SAMD12: variants seen among roughly 807,000 people sequenced by gnomAD.
SAMD12 encodes sterile alpha motif domain-containing protein 12.
In SAMD12, 9 loss-of-function variants were observed where a neutral mutation model predicts 15.0. That is an observed-to-expected ratio of 0.60 (90% CI 0.36 to 1.05). The LOEUF is 1.05. SAMD12 is among the 50% of genes least tolerant of loss of function. The probability of loss-of-function intolerance (pLI) is 0.01; values close to 1 mark genes in which losing one functional copy is unlikely to be tolerated. For missense variants in SAMD12, 230 were observed against 234.2 expected, an observed-to-expected ratio of 0.98 and a Z score of 0.12; for synonymous variants, 86 against 90.1, an observed-to-expected ratio of 0.96 and a Z score of 0.25.
intron 2 of SAMD12, among the ~76,000 whole-genome samples, chr8:118,468,450 A>G (rs186053069): frequency 2.6e-5 from 4 of 152,304 alleles, no homozygotes; most frequent in Admixed American, 1.3e-4. Context: ...TGCCTCTAGT[A>G]AATAACCCAA....
At chr8:118,190,876 C>T (rs1190874715) in exon 5 of SAMD12, 1 of 152,116 alleles carries the variant, frequency 6.6e-6, no homozygotes, top group Non-Finnish European at 1.5e-5. Context: ...TTTATCAGAG[C>T]AGTGTCAATC....
chr8:118,592,058 A>G (rs571831249), intron 1 of SAMD12, among the ~76,000 whole-genome samples: 122 of 152,354 alleles, frequency 8.0e-4, no homozygotes, highest in Non-Finnish European at 1.4e-3. Context: ...GCAGTGGCTC[A>G]TGCCTATAAT....
chr8:118,334,679 T>A (rs1461663068), intron 4 of SAMD12, among the ~76,000 whole-genome samples: 1 of 152,136 alleles, frequency 6.6e-6, no homozygotes, highest in Non-Finnish European at 1.5e-5. Context: ...CACTGAAGCC[T>A]CAACCTCCCA....
intron 2 of SAMD12, among the ~76,000 whole-genome samples, chr8:118,520,959 G>A (rs1225586062): frequency 6.6e-6 from 1 of 152,136 alleles, no homozygotes; most frequent in Non-Finnish European, 1.5e-5. Flanking sequence ...CATCAGTCTT[G>A]TCAATCTTAT....
At chr8:118,353,941 T>C (rs1818096170) in intron 4 of SAMD12, among the ~76,000 whole-genome samples, 1 of 152,218 alleles carries the variant, frequency 6.6e-6, no homozygotes, top group Non-Finnish European at 1.5e-5. Flanking sequence ...TGCCCTGCTC[T>C]GAAATGTTTC....
intron 1 of SAMD12, among the ~76,000 whole-genome samples, chr8:118,603,956 G>T (rs753863161): frequency 1.3e-5 from 2 of 152,136 alleles, no homozygotes; most frequent in Middle Eastern, 3.4e-3. Context: ...AAAAGACAAT[G>T]ACTAATTTTT....
intron 1 of SAMD12, among the ~76,000 whole-genome samples, chr8:118,599,729 G>A (rs1827812615): frequency 6.6e-6 from 1 of 152,150 alleles, no homozygotes; most frequent in African/African-American, 2.4e-5. Context: ...CATGACCTGG[G>A]CAGTCCAATC....
intron 3 of SAMD12, among the ~76,000 whole-genome samples, chr8:118,385,990 G>A (rs749243898): frequency 6.6e-6 from 1 of 152,178 alleles, no homozygotes; most frequent in East Asian, 1.9e-4. Context: ...AAAGAAAGAT[G>A]AGTGCCTTTT....
the SAMD12 span, among the ~76,000 whole-genome samples, chr8:118,170,705 A>G: frequency 6.6e-6 from 1 of 152,220 alleles, no homozygotes; most frequent in Non-Finnish European, 1.5e-5. Context: ...ATGTAGATGT[A>G]GAAGATAAAA....
chr8:118,412,129 A>G (rs188606624), intron 3 of SAMD12, among the ~76,000 whole-genome samples: 32 of 152,308 alleles, frequency 2.1e-4, no homozygotes, highest in Admixed American at 1.3e-3. Context: ...ATTCCCAGGA[A>G]GCAGTAATGG....
At chr8:118,393,589 C>T (rs1319064907) in intron 3 of SAMD12, among the ~76,000 whole-genome samples, 1 of 150,886 alleles carries the variant, frequency 6.6e-6, no homozygotes, top group African/African-American at 2.4e-5. Context: ...AATACCCATG[C>T]ATTTTTTTCT....
the SAMD12 span, among the ~76,000 whole-genome samples, chr8:118,172,710 T>A: frequency 6.6e-6 from 1 of 152,206 alleles, no homozygotes; most frequent in Non-Finnish European, 1.5e-5. Context: ...AATAAATATA[T>A]CCATCACCTC....
At chr8:118,351,428 C>G (rs1481466970) in intron 4 of SAMD12, among the ~76,000 whole-genome samples, 1 of 152,082 alleles carries the variant, frequency 6.6e-6, no homozygotes, top group African/African-American at 2.4e-5. Context: ...GAAAGTGAGG[C>G]TAGGAAAAGA....
At chr8:118,486,200 G>A (rs927455918) in intron 2 of SAMD12, among the ~76,000 whole-genome samples, 2 of 152,070 alleles carry the variant, frequency 1.3e-5, no homozygotes, top group African/African-American at 2.4e-5. Context: ...AGATCACGAG[G>A]TCAGGAGATA....
chr8:118,587,691 T>A (rs978076783), intron 1 of SAMD12, among the ~76,000 whole-genome samples: 40 of 152,262 alleles, frequency 2.6e-4, no homozygotes, highest in African/African-American at 9.4e-4. Flanking sequence ...GCTACAAAGA[T>A]GAAAAAAAGT....
At chr8:118,449,805 A>G (rs112254689) in intron 2 of SAMD12, among the ~76,000 whole-genome samples, 1 of 150,088 alleles carries the variant, frequency 6.7e-6, no homozygotes, top group Non-Finnish European at 1.5e-5. Context: ...TCTCAAAAAA[A>G]AAAAAAAAAA....
chr8:118,619,320 A>G (rs979549963), intron 1 of SAMD12, among the ~76,000 whole-genome samples: 2 of 152,102 alleles, frequency 1.3e-5, no homozygotes, highest in Non-Finnish European at 2.9e-5. Context: ...TACTAAAAAT[A>G]CCAAAAAAAT....
chr8:118,364,161 C>G (rs901988030), intron 4 of SAMD12, among the ~76,000 whole-genome samples: 41 of 152,114 alleles, frequency 2.7e-4, no homozygotes, highest in Non-Finnish European at 5.1e-4. Context: ...GGAGGTAGTA[C>G]CATGATAACT....
At chr8:118,491,503 G>A (rs1824439396) in intron 2 of SAMD12, among the ~76,000 whole-genome samples, 3 of 152,094 alleles carry the variant, frequency 2.0e-5, no homozygotes, top group Admixed American at 6.6e-5. Flanking sequence ...TTTACCTAGA[G>A]TAAAACGTAT....
Sources: allele counts gnomAD v4.1 joint callset (sites outside exome capture counted in the v4.1 genomes callset), GRCh38; gene constraint gnomAD v4.1.1; transcripts MANE v1.5; gene names NCBI Gene and HGNC (gene_info 2026-07-23, HGNC 2026-07-21).